The following ATP2B3 variants were observed in gnomAD, a reference collection of about 807,000 sequenced individuals.
The protein encoded by ATP2B3 is plasma membrane calcium-transporting ATPase 3.
In ATP2B3, 12 loss-of-function variants were observed where a neutral mutation model predicts 70.8. The observed-to-expected ratio is 0.17, with a 90% confidence interval of 0.11 to 0.27. The LOEUF (loss-of-function observed/expected upper bound fraction) is 0.27. ATP2B3 is among the 10% of genes least tolerant of loss of function. The pLI is 1.00. For synonymous variants in ATP2B3, 460 were observed against 497.8 expected, an observed-to-expected ratio of 0.92 and a Z score of 1.01; for missense variants, 858 against 1,118.5, an observed-to-expected ratio of 0.77 and a Z score of 3.32.
intron 21 of ATP2B3, among the ~76,000 whole-genome samples, chrX:153,566,999 AC>A (rs2124521321): frequency 8.9e-6 from 1 of 112,598 alleles, no homozygotes; most frequent in East Asian, 2.8e-4. Flanking sequence ...CCAGCTGAGA[AC>A]CGGGAGGCGA....
intron 2 of ATP2B3, among the ~76,000 whole-genome samples, chrX:153,529,450 T>C (rs2090081433): frequency 8.9e-6 from 1 of 111,739 alleles, no homozygotes; most frequent in African/African-American, 3.3e-5. Context: ...ACTCCTGCAA[T>C]CACGGCGTGT....
rs1194667264 is a variant in ATP2B3 at position 153,532,133 on chromosome X, C to T, written c.-126-3989C>T. Among the ~76,000 whole-genome samples the T allele has an allele frequency of 6.2e-5, 7 of 112,482 alleles. No homozygotes were observed. The East Asian group carries it at 1.1e-3, about 18-fold the overall frequency. On this transcript the variant is annotated intron_variant, in intron 2 of 21. Transcript: ENST00000263519. ...CCCTCTGTAAGGCAGGGAGAGTTCT[C>T]CTGGCCCTCGTAGGGTGTTTCCAAG...
intron 2 of ATP2B3, among the ~76,000 whole-genome samples, chrX:153,533,855 C>T (rs1390569511): frequency 9.0e-6 from 1 of 111,534 alleles, no homozygotes; most frequent in Admixed American, 9.4e-5. Context: ...GGGTCAGGGG[C>T]AGGGACCGGG....
chrX:153,524,385 G>A (rs980935258), intron 2 of ATP2B3, among the ~76,000 whole-genome samples: 1 of 111,412 alleles, frequency 9.0e-6, no homozygotes, highest in East Asian at 2.8e-4. Context: ...TCTCTGTCCC[G>A]ACTACTCAAC....
In ATP2B3 at chrX:153,579,705, G is replaced by A. The variant is rs782302753; in HGVS notation, c.3343-273G>A. ...GACACTGCCATCTTTTCCTGCATGC[G>A]GATCGGTTGACGAGACCAAGGCCCA... On this transcript the variant is annotated intron_variant, in intron 21 of 21. Coordinates refer to ENST00000263519, the MANE Select transcript of ATP2B3 (RefSeq NM_001001344.3). 2.3e-3 allele frequency among the ~76,000 whole-genome samples: 251 copies of A among 111,191 alleles called. 1 individual carries two copies. Among genetic ancestry groups the A allele is most frequent in the Middle Eastern group, 4.6e-3 (1 of 216 alleles).
chrX:153,518,100 C>CGCACCCT (rs2089903474), intron 1 of ATP2B3, among the ~76,000 whole-genome samples: 1 of 111,774 alleles, frequency 8.9e-6, no homozygotes, highest in South Asian at 3.5e-4. Context: ...GGCAGCGCCC[C>CGCACCCT]GCACCCTGCA....
intron 21 of ATP2B3, among the ~76,000 whole-genome samples, chrX:153,579,227 G>A (rs1195555368): frequency 1.8e-5 from 2 of 112,952 alleles, no homozygotes; most frequent in African/African-American, 3.2e-5. Context: ...CAGGGGCAAT[G>A]TCAGGAAGCC....
At chrX:153,542,771 G>A (rs2090306656) in intron 6 of ATP2B3, among the ~76,000 whole-genome samples, 1 of 113,100 alleles carries the variant, frequency 8.8e-6, no homozygotes, top group African/African-American at 3.2e-5. Context: ...TCCAGTGGGG[G>A]TAGTGTTCCC....
At chrX:153,547,370 C>T (rs1300015053) in intron 8 of ATP2B3, among the ~76,000 whole-genome samples, 1 of 110,974 alleles carries the variant, frequency 9.0e-6, no homozygotes, top group Non-Finnish European at 1.9e-5. Context: ...AGATGGAGCC[C>T]GAACAGGCGC....
At chrX:153,578,694 CG>C (rs2090886675) in intron 21 of ATP2B3, among the ~76,000 whole-genome samples, 1 of 112,403 alleles carries the variant, frequency 8.9e-6, no homozygotes, top group South Asian at 3.7e-4. Context: ...CTCTTTCATG[CG>C]GGAAGTTCCG....
intron 3 of ATP2B3, among the ~76,000 whole-genome samples, chrX:153,540,087 T>TGGGTCCTGAGGGCCCTGTGCTCACC (rs2090257192): frequency 8.9e-6 from 1 of 112,390 alleles, no homozygotes; most frequent in Non-Finnish European, 1.9e-5. Flanking sequence ...CCAAGGCTGC[T>TGGGTCCTGAGGGCCCTGTGCTCACC]GGGTCCTGAG....
chrX:153,518,071 C>T lies in ATP2B3; in HGVS notation c.-247+196C>T, dbSNP rs782114589. Among the ~76,000 whole-genome samples the T allele has an allele frequency of 2.7e-5, 3 of 111,388 alleles. No individual in the cohort carries two copies. The South Asian group carries it at 1.1e-3, about 40-fold the overall frequency. On this transcript the variant is annotated intron_variant, in intron 1 of 21. Transcript: ENST00000263519. ...TGCGGCACTGCGGCCGCGCGTCACC[C>T]CGGGGCCCCAGGCCGGCGGGCAGCG...
At chrX:153,526,225 A>G in intron 2 of ATP2B3, among the ~76,000 whole-genome samples, 1 of 112,408 alleles carries the variant, frequency 8.9e-6, no homozygotes, top group East Asian at 2.8e-4. Flanking sequence ...GAGAGCAGGC[A>G]TCTGTCCATG....
intron 2 of ATP2B3, among the ~76,000 whole-genome samples, chrX:153,533,522 G>A (rs138943565): frequency 0.011 from 1,237 of 110,643 alleles, 16 homozygotes; most frequent in African/African-American, 0.039. Context: ...ACAGGGGCTC[G>A]CTGGAGTGAT....
chrX:153,520,295 C>T (rs899651476), intron 2 of ATP2B3, among the ~76,000 whole-genome samples: 4 of 112,617 alleles, frequency 3.6e-5, no homozygotes, highest in Non-Finnish European at 3.8e-5. Context: ...AGGATGAGGG[C>T]GCCCCAGAGC....
At chrX:153,570,995 TGC>T (rs782295772) in intron 21 of ATP2B3, among the ~76,000 whole-genome samples, 9 of 64,643 alleles carry the variant, frequency 1.4e-4, no homozygotes, top group African/African-American at 2.3e-4. Flanking sequence ...ACAGAGCACG[TGC>T]GCGCGTACAC....
chrX:153,531,047 G>T (rs1431550464), intron 2 of ATP2B3, among the ~76,000 whole-genome samples: 1 of 111,990 alleles, frequency 8.9e-6, no homozygotes, highest in Non-Finnish European at 1.9e-5. Flanking sequence ...TCCCCTCCCA[G>T]GTGGTCGCCA....
Position 153,559,752 on chromosome X carries a change from G to A in ATP2B3, c.2649G>A (p.Gln883=), listed in dbSNP as rs1557015369. The change falls in exon 18 of 22, where the codon CAG becomes CAA. Residue 883 remains glutamine (Q), a synonymous_variant. Transcript: ENST00000263519. ...ITQDSPLKAV[Q]MLWVNLIMDT... is the part of the protein sequence containing the mutation. The stretch of plus-strand genomic sequence containing the variant: ...AGGACTCTCCTCTCAAAGCCGTGCA[G>A]ATGTTGTGGGTGAACTTGATCATGG... The A allele has an allele frequency of 1.7e-6, 2 of 1,211,643 alleles. No individual in the cohort carries two copies. Among genetic ancestry groups the A allele is most frequent in the South Asian group, 1.8e-5 (1 of 57,009 alleles).
At chrX:153,520,301 A>G (rs1479713482) in intron 2 of ATP2B3, among the ~76,000 whole-genome samples, 4 of 112,749 alleles carry the variant, frequency 3.5e-5, no homozygotes, top group Non-Finnish European at 7.5e-5. Flanking sequence ...AGGGCGCCCC[A>G]GAGCCCCAGG....
Sources: gnomAD v4.1 joint callset for allele counts (sites outside exome capture counted in the v4.1 genomes callset) on GRCh38, gnomAD v4.1.1 for gene constraint, MANE v1.5 for transcripts, NCBI Gene and HGNC (gene_info 2026-07-23, HGNC 2026-07-21) for gene names.